NBPF11: variants seen among roughly 807,000 people sequenced by gnomAD.
NBPF11 encodes NBPF member 11.
A neutral mutation model predicts 93.9 loss-of-function variants in NBPF11; 72 were observed. The observed-to-expected ratio is 0.77, with a 90% CI of 0.63 to 0.93. The LOEUF (loss-of-function observed/expected upper bound fraction) is 0.93, where lower values mean the gene tolerates loss of function less well. Among genes scored for constraint, NBPF11 ranks in the 40% least tolerant of loss-of-function variants. The pLI, the probability that NBPF11 is intolerant of heterozygous loss-of-function variation, is 0.00. For synonymous variants in NBPF11, 224 were observed against 304.9 expected (o/e 0.73, Z 2.76); for missense variants, 705 against 802.2 (o/e 0.88, Z 1.46).
At chr1:148,132,218 C>T (rs1157915377) in intron 4 of NBPF11, among the ~76,000 whole-genome samples, 6 of 109,814 alleles carry the variant, frequency 5.5e-5, no homozygotes, top group Non-Finnish European at 1.2e-4. Context: ...TATATATACA[C>T]ACACACACAC....
At position 148,108,553 on chromosome 1, in the gene NBPF11, G is replaced by T. The variant is rs1468905157; in HGVS notation, c.1955C>A (p.Ser652Ter). The T allele has an allele frequency of 1.2e-5, 20 of 1,603,650 alleles. No individual in the cohort carries two copies. Among genetic ancestry groups the T allele is most frequent in the Admixed American group, 6.7e-5 (4 of 59,928 alleles). ...TPSVYLGLTD[S>*]CQPYRSAFYV... The stretch of plus-strand genomic sequence containing the variant: ...AAAGGCACTTCTGTAGGGCTGGCAT[G>T]AGTCAGTCAGTCCAAGATAAACTGA... The change falls in exon 18 of 24, where the codon TCA becomes TAA. Residue 652 changes from serine to a stop codon, truncating the protein, a stop_gained. Transcript: ENST00000682118. LOFTEE classifies it high-confidence loss of function.
Position 148,108,321 on chromosome 1 carries a change from G to A in NBPF11, c.2026+161C>T, listed in dbSNP as rs1553267730. ...GCTCACTGACCCATCCCTTGTCTGGGCTTCCAAGTGGAACTAGAGTTTCAC... is the reference window on the plus strand; with the variant it reads ...GCTCACTGACCCATCCCTTGTCTGGACTTCCAAGTGGAACTAGAGTTTCAC... On this transcript the variant is annotated intron_variant, in intron 18 of 23. Transcript: ENST00000682118. Among the ~76,000 whole-genome samples, 3 of 151,134 alleles carry A rather than the reference G, an allele frequency of 2.0e-5. No homozygotes were observed. In the South Asian group the frequency reaches 6.3e-4, roughly 32 times the overall value.
intron 10 of NBPF11, among the ~76,000 whole-genome samples, chr1:148,119,857 T>C (rs1667425437): frequency 6.6e-6 from 1 of 152,002 alleles, no homozygotes; most frequent in African/African-American, 2.4e-5. Flanking sequence ...GGTTTCTCCA[T>C]GTTGCCCAGG....
intron 1 of NBPF11, among the ~76,000 whole-genome samples, chr1:148,147,682 A>G (rs1326283618): frequency 6.6e-6 from 1 of 151,936 alleles, no homozygotes; most frequent in Non-Finnish European, 1.5e-5. Context: ...CAGAGGCCCT[A>G]GGGAGGTGGG....
rs1263438719 is a variant in NBPF11 at position 148,110,419 on chromosome 1, G to A, written c.1760C>T (p.Ser587Leu). The change falls in exon 16 of 24, where the codon TCA (serine) becomes TTA (leucine). Residue 587 changes from serine to leucine, a missense_variant. Around this residue, in one of 12 missense-constraint regions of NBPF11, gnomAD observed 19 missense variants for 16.3 expected, o/e 1.17. Coordinates refer to ENST00000682118, the MANE Select transcript of NBPF11 (RefSeq NM_001385469.3). ...CATGCAGACTTGCTGTTCCTCTAATGAGTGAAATGTGCTGCTGTAAGACTG... is the reference window on the plus strand; with the variant it reads ...CATGCAGACTTGCTGTTCCTCTAATAAGTGAAATGTGCTGCTGTAAGACTG... ...SYQSYSSTFH[S>L]LEEQQVCMAV... is the part of the protein sequence containing the mutation. 6.3e-6 allele frequency: 10 copies of A among 1,593,388 alleles called. No homozygotes were observed. In the East Asian group the frequency reaches 2.3e-4, roughly 36 times the overall value.
At position 148,149,219 on chromosome 1, in the gene NBPF11, AC is replaced by A; in HGVS notation, c.-549+2530del. 5 of 1,548,646 alleles carry A rather than the reference AC, an allele frequency of 3.2e-6. No individual in the cohort carries two copies. The South Asian group carries it at 3.4e-5, about 10-fold the overall frequency. On this transcript the variant is annotated intron_variant, in intron 1 of 23. Coordinates refer to ENST00000682118, the MANE Select transcript of NBPF11 (RefSeq NM_001385469.3). Reference sequence around the variant, plus strand: ...CGGGCAGAGCATCGGCACGGTGCCCACCATGGACCTGGCCTCGCGCTACGAG... The same window carrying A: ...CGGGCAGAGCATCGGCACGGTGCCCACATGGACCTGGCCTCGCGCTACGAG...
At chr1:148,137,007 T>A (rs1306844599) in intron 3 of NBPF11, among the ~76,000 whole-genome samples, 1 of 151,838 alleles carries the variant, frequency 6.6e-6, no homozygotes, top group East Asian at 1.9e-4. Flanking sequence ...GATGGGGGAA[T>A]GTGAGTGTCC....
At chr1:148,116,913 C>A (rs1374884574) in intron 12 of NBPF11, among the ~76,000 whole-genome samples, 5 of 152,140 alleles carry the variant, frequency 3.3e-5, no homozygotes, top group African/African-American at 1.2e-4. Flanking sequence ...CTCTTAGAAG[C>A]AAACTTGTCC....
chr1:148,115,330 G>T (rs1666241526), intron 14 of NBPF11, among the ~76,000 whole-genome samples: 2 of 150,778 alleles, frequency 1.3e-5, no homozygotes, highest in Admixed American at 6.6e-5. Flanking sequence ...CTGATTTCAG[G>T]GTGACTGTGC....
At chr1:148,142,317 G>C (rs1314231963) in intron 2 of NBPF11, among the ~76,000 whole-genome samples, 7 of 151,934 alleles carry the variant, frequency 4.6e-5, no homozygotes, top group Non-Finnish European at 8.8e-5. Flanking sequence ...CTGTTTCCAT[G>C]GGGTACAACC....
At chr1:148,118,181 G>A (rs1209164102) in intron 11 of NBPF11, among the ~76,000 whole-genome samples, 6 of 146,606 alleles carry the variant, frequency 4.1e-5, no homozygotes, top group African/African-American at 1.5e-4. Flanking sequence ...ATGCAGATAG[G>A]GCGAATTGAA....
rs1350618415 is a variant in NBPF11 at position 148,141,612 on chromosome 1, T to C, written c.-277+1803A>G. On this transcript the variant is annotated intron_variant, in intron 2 of 23. Transcript: ENST00000682118. Reference sequence around the variant, plus strand: ...TGGAGATTTCAATGCCTATGCCATTTACCTCTAACCCTGGGGTGCCCCCGG... The same window carrying C: ...TGGAGATTTCAATGCCTATGCCATTCACCTCTAACCCTGGGGTGCCCCCGG... Among the ~76,000 whole-genome samples the C allele has an allele frequency of 7.9e-5, 12 of 151,930 alleles. 1 individual carries two copies. The highest frequency in any genetic ancestry group is 1.2e-4 in the Non-Finnish European group (8 of 68,030).
Position 148,129,053 on chromosome 1 carries a change from C to T in NBPF11, c.-35-2015G>A, listed in dbSNP as rs1478640349. The stretch of plus-strand genomic sequence containing the variant: ...TAGGATATATACCTGGTGTAAATGA[C>T]GAGTTAATGGGTGCAGCAAACCAAC... On this transcript the variant is annotated intron_variant, in intron 4 of 23. Coordinates refer to ENST00000682118, the MANE Select transcript of NBPF11 (RefSeq NM_001385469.3). Among the ~76,000 whole-genome samples the T allele has an allele frequency of 1.0e-4, 15 of 145,036 alleles. 1 individual carries two copies. Among genetic ancestry groups the T allele is most frequent in the East Asian group, 1.0e-3 (5 of 4,948 alleles).
At chr1:148,136,716 A>G (rs1671347434) in intron 3 of NBPF11, among the ~76,000 whole-genome samples, 3 of 151,856 alleles carry the variant, frequency 2.0e-5, no homozygotes, top group South Asian at 4.2e-4. Context: ...TTTGAACTAG[A>G]ATCACTGTAG....
chr1:148,146,596 C>G, intron 1 of NBPF11: 1 of 1,609,720 alleles, frequency 6.2e-7, no homozygotes, highest in African/African-American at 1.3e-5. Flanking sequence ...GCGCTGGAAG[C>G]TGCACCTGAC....
chr1:148,125,076 G>A, intron 5 of NBPF11, 75 bp from the exon 6 acceptor site: 3 of 938,906 alleles, frequency 3.2e-6, no homozygotes, highest in South Asian at 1.4e-5. Flanking sequence ...CAGGGCAGGA[G>A]CCAGGTCCAT....
intron 1 of NBPF11, 89 bp from the exon 2 acceptor site, chr1:148,143,775 G>A (rs1464777234): frequency 2.0e-5 from 3 of 153,644 alleles, no homozygotes; most frequent in African/African-American, 7.3e-5. Context: ...ACCGAGACTG[G>A]GAAGACCCAG....
chr1:148,125,484 G>T (rs1368261880), intron 5 of NBPF11, among the ~76,000 whole-genome samples: 1 of 152,000 alleles, frequency 6.6e-6, no homozygotes, highest in Non-Finnish European at 1.5e-5. Flanking sequence ...TCAATATTCA[G>T]ATATGGTTTT....
chr1:148,134,946 C>T lies in NBPF11; in HGVS notation c.-36+726G>A, dbSNP rs1671033716. ...GCTTTGCTTCTGCAAGATGCTTCTT[C>T]ACCTTTTCAATAAACCTGCCTGAAT... On this transcript the variant is annotated intron_variant, in intron 4 of 23. Transcript: ENST00000682118. 2.0e-5 allele frequency among the ~76,000 whole-genome samples: 3 copies of T among 151,796 alleles called. No individual in the cohort carries two copies. The South Asian group carries it at 6.2e-4, about 31-fold the overall frequency.
Sources: allele counts gnomAD v4.1 joint callset (sites outside exome capture counted in the v4.1 genomes callset), GRCh38; gene constraint gnomAD v4.1.1; regional missense constraint gnomAD v4.1.1; transcripts MANE v1.5; gene names NCBI Gene and HGNC (gene_info 2026-07-23, HGNC 2026-07-21).